HCN1: variants seen among roughly 807,000 people sequenced by gnomAD.
The protein encoded by HCN1 is potassium/sodium hyperpolarization-activated cyclic nucleotide-gated channel 1.
HCN1 carries 13 observed loss-of-function variants against 78.9 expected under a neutral mutation model. The ratio of observed to expected loss-of-function variants is 0.16; its 90% confidence interval spans 0.11 to 0.26. The LOEUF (loss-of-function observed/expected upper bound fraction) is 0.26, where lower values mean the gene tolerates loss of function less well. Ranked by LOEUF, HCN1 falls within the 10% of genes least tolerant of loss-of-function variation. HCN1 has a pLI of 1.00. For synonymous variants in HCN1, 552 were observed against 455.5 expected (o/e 1.21, Z -2.70); for missense variants, 810 against 1,154.3 (o/e 0.70, Z 4.32).
At chr5:45,399,347 C>T (rs2112043283) in intron 3 of HCN1, among the ~76,000 whole-genome samples, 1 of 152,316 alleles carries the variant, frequency 6.6e-6, no homozygotes, top group African/African-American at 2.4e-5. Flanking sequence ...CATCCTGCAG[C>T]TCTGCTGCTC....
chr5:45,658,606 G>C (rs1031724991), intron 1 of HCN1, among the ~76,000 whole-genome samples: 1 of 151,726 alleles, frequency 6.6e-6, no homozygotes, highest in Non-Finnish European at 1.5e-5. Flanking sequence ...CGCACCGTGC[G>C]CGAGCCGAAG....
chr5:45,633,305 T>C (rs1324372228), intron 2 of HCN1, among the ~76,000 whole-genome samples: 1 of 150,192 alleles, frequency 6.7e-6, no homozygotes, highest in African/African-American at 2.4e-5. Flanking sequence ...TTATTTTAAA[T>C]ATTTTTTTTA....
intron 6 of HCN1, among the ~76,000 whole-genome samples, chr5:45,300,757 C>A (rs1259287717): frequency 6.6e-6 from 1 of 152,060 alleles, no homozygotes; most frequent in Non-Finnish European, 1.5e-5. Flanking sequence ...CTTATCCCAT[C>A]TAACTTCAAT....
chr5:45,432,888 CG>C lies in HCN1; in HGVS notation c.1011+28957del, dbSNP rs1740491184. ...AGTTTCACATGGCTAGGGAGGCAAACGAGGTGTTTGCCTCATGGTGGAAGGC... is the reference window on the plus strand; with the variant it reads ...AGTTTCACATGGCTAGGGAGGCAAACAGGTGTTTGCCTCATGGTGGAAGGC... On this transcript the variant is annotated intron_variant, in intron 3 of 7. Transcript: ENST00000303230. Among the ~76,000 whole-genome samples, 16 of 152,042 alleles carry C rather than the reference CG, an allele frequency of 1.1e-4. No homozygotes were observed. The South Asian group carries it at 3.3e-3, about 32-fold the overall frequency.
chr5:45,521,375 A>G (rs1742611034), intron 2 of HCN1, among the ~76,000 whole-genome samples: 1 of 151,964 alleles, frequency 6.6e-6, no homozygotes, highest in South Asian at 2.1e-4. Context: ...AATTTATTGT[A>G]TCACAGTTCT....
At chr5:45,369,478 C>T (rs1747304251) in intron 4 of HCN1, among the ~76,000 whole-genome samples, 1 of 152,038 alleles carries the variant, frequency 6.6e-6, no homozygotes, top group East Asian at 1.9e-4. Flanking sequence ...CCTTTCATGG[C>T]CTATCCTATT....
At chr5:45,584,745 C>A (rs1744170534) in intron 2 of HCN1, among the ~76,000 whole-genome samples, 1 of 152,252 alleles carries the variant, frequency 6.6e-6, no homozygotes, top group East Asian at 1.9e-4. Flanking sequence ...AATCTCTCAG[C>A]ATTTGCTTGT....
chr5:45,659,945 T>A (rs1014956100), intron 1 of HCN1, among the ~76,000 whole-genome samples: 15 of 145,318 alleles, frequency 1.0e-4, no homozygotes, highest in African/African-American at 4.0e-4. Flanking sequence ...ATTCAGGAAA[T>A]ACAGAGAACG....
intron 4 of HCN1, among the ~76,000 whole-genome samples, chr5:45,389,991 C>G (rs1242828083): frequency 6.6e-6 from 1 of 152,140 alleles, no homozygotes; most frequent in Non-Finnish European, 1.5e-5. Flanking sequence ...CTATTTCACA[C>G]TTTCCCCAGC....
chr5:45,265,974 T>TA (rs1239687006), intron 7 of HCN1, among the ~76,000 whole-genome samples: 1 of 151,976 alleles, frequency 6.6e-6, no homozygotes, highest in Non-Finnish European at 1.5e-5. Flanking sequence ...AGGGAGGTGA[T>TA]ATCTAAACAG....
chr5:45,606,172 T>G (rs1413066963), intron 2 of HCN1, among the ~76,000 whole-genome samples: 1 of 152,060 alleles, frequency 6.6e-6, no homozygotes, highest in Non-Finnish European at 1.5e-5. Flanking sequence ...CTCTCACTTT[T>G]ATACCTTAAA....
chr5:45,527,402 T>C (rs1161038564), intron 2 of HCN1, among the ~76,000 whole-genome samples: 1 of 144,572 alleles, frequency 6.9e-6, no homozygotes, highest in Non-Finnish European at 1.5e-5. Flanking sequence ...CACAGAGGTA[T>C]GCTCCATCTT....
chr5:45,469,140 C>T (rs974092674), intron 2 of HCN1, among the ~76,000 whole-genome samples: 1 of 151,538 alleles, frequency 6.6e-6, no homozygotes, highest in African/African-American at 2.4e-5. Flanking sequence ...CTGAATCTAC[C>T]CAAATCTTTA....
chr5:45,372,100 T>A (rs780132564), intron 4 of HCN1, among the ~76,000 whole-genome samples: 6,544 of 47,506 alleles, frequency 0.14, 774 homozygotes, highest in African/African-American at 0.36. Flanking sequence ...TATATATATT[T>A]TATATATAAT....
chr5:45,413,163 T>G (rs2112058231), intron 3 of HCN1, among the ~76,000 whole-genome samples: 1 of 152,194 alleles, frequency 6.6e-6, no homozygotes, highest in East Asian at 1.9e-4. Flanking sequence ...TAAAAAGTTT[T>G]ACAGAAACTT....
At chr5:45,555,201 A>C (rs1188321502) in intron 2 of HCN1, among the ~76,000 whole-genome samples, 1 of 151,910 alleles carries the variant, frequency 6.6e-6, no homozygotes, top group East Asian at 1.9e-4. Flanking sequence ...TAGATGCAGA[A>C]TACAAAATCA....
intron 5 of HCN1, among the ~76,000 whole-genome samples, chr5:45,313,264 G>A (rs777273638): frequency 3.2e-4 from 49 of 152,186 alleles, no homozygotes; most frequent in Non-Finnish European, 6.3e-4. Flanking sequence ...AGGGTCTGGA[G>A]TGAACCTCCA....
intron 1 of HCN1, among the ~76,000 whole-genome samples, chr5:45,668,035 T>C (rs1746083905): frequency 6.6e-6 from 1 of 152,098 alleles, no homozygotes; most frequent in East Asian, 1.9e-4. Flanking sequence ...TTCTGGTAGC[T>C]AACCCAGGGC....
chr5:45,569,079 C>T (rs748483685), intron 2 of HCN1, among the ~76,000 whole-genome samples: 1 of 152,110 alleles, frequency 6.6e-6, no homozygotes, highest in Non-Finnish European at 1.5e-5. Context: ...AGAAATGTCA[C>T]ATACAGACAC....
Sources: allele counts gnomAD v4.1 joint callset (sites outside exome capture counted in the v4.1 genomes callset), GRCh38; gene constraint gnomAD v4.1.1; transcripts MANE v1.5; gene names NCBI Gene and HGNC (gene_info 2026-07-23, HGNC 2026-07-21).